RPS6KC1: variants seen among roughly 807,000 people sequenced by gnomAD.
RPS6KC1 encodes the protein inactive ribosomal protein S6 kinase delta-1.
Under a neutral mutation model 103.8 loss-of-function variants are expected in RPS6KC1, and 54 were observed. The observed-to-expected ratio is 0.52, with a 90% CI of 0.42 to 0.65. RPS6KC1 has a LOEUF of 0.65. Ranked by LOEUF, RPS6KC1 falls within the 30% of genes least tolerant of loss-of-function variation. The pLI, the probability that RPS6KC1 is intolerant of heterozygous loss-of-function variation, is 0.00. For missense variants in RPS6KC1, 1,151 were observed against 1,253.8 expected (o/e 0.92, Z 1.24); for synonymous variants, 439 against 438.7 (o/e 1.00, Z -0.01).
chr1:213,862,443 G>A, the RPS6KC1 span, among the ~76,000 whole-genome samples: 1 of 152,184 alleles, frequency 6.6e-6, no homozygotes, highest in Non-Finnish European at 1.5e-5. Context: ...GAGAGGGCCA[G>A]AAGCACCAGA....
At chr1:213,101,774 A>T (rs574473871) in intron 3 of RPS6KC1, among the ~76,000 whole-genome samples, 8 of 152,306 alleles carry the variant, frequency 5.3e-5, no homozygotes, top group Non-Finnish European at 1.2e-4. Context: ...ATTAATTTAT[A>T]GGCACTTGAA....
chr1:213,238,856 C>T (rs935615953), intron 10 of RPS6KC1, among the ~76,000 whole-genome samples: 2 of 152,074 alleles, frequency 1.3e-5, no homozygotes, highest in African/African-American at 4.8e-5. Context: ...ATCCTTTCCT[C>T]AAAGTAGTCA....
intron 8 of RPS6KC1, among the ~76,000 whole-genome samples, chr1:213,184,006 T>G (rs879866987): frequency 3.9e-5 from 6 of 152,096 alleles, no homozygotes; most frequent in African/African-American, 7.2e-5. Context: ...AATTTGATAA[T>G]TTAGATGGAA....
intron 10 of RPS6KC1, among the ~76,000 whole-genome samples, chr1:213,236,395 C>T (rs571259374): frequency 2.6e-5 from 4 of 152,212 alleles, no homozygotes; most frequent in African/African-American, 9.6e-5. Context: ...ATTTGCTAAG[C>T]TGTGGGAGAA....
chr1:213,512,385 G>C, the RPS6KC1 span, among the ~76,000 whole-genome samples: 2 of 152,160 alleles, frequency 1.3e-5, no homozygotes, highest in African/African-American at 4.8e-5. Context: ...TTAGGAAAAA[G>C]CATTCTTGCC....
At chr1:213,448,514 C>T in the RPS6KC1 span, among the ~76,000 whole-genome samples, 1 of 152,014 alleles carries the variant, frequency 6.6e-6, no homozygotes, top group Non-Finnish European at 1.5e-5. Context: ...GAAACAGAGC[C>T]TCAAGCCTGG....
the RPS6KC1 span, among the ~76,000 whole-genome samples, chr1:213,281,189 T>C: frequency 6.6e-6 from 1 of 152,248 alleles, no homozygotes; most frequent in Non-Finnish European, 1.5e-5. Flanking sequence ...ATCTTCAGAC[T>C]GCAGAGGCCC....
chr1:213,165,269 T>A (rs1057448836), intron 6 of RPS6KC1, among the ~76,000 whole-genome samples: 2 of 152,058 alleles, frequency 1.3e-5, no homozygotes, highest in African/African-American at 4.8e-5. Flanking sequence ...CTTGCTCTGT[T>A]GCCCGGGCTG....
the RPS6KC1 span, among the ~76,000 whole-genome samples, chr1:213,566,132 A>G: frequency 6.6e-6 from 1 of 152,178 alleles, no homozygotes; most frequent in Non-Finnish European, 1.5e-5. Context: ...ATACAATGAA[A>G]TGGAGTAAAA....
the RPS6KC1 span, among the ~76,000 whole-genome samples, chr1:213,367,284 T>G: frequency 6.6e-6 from 1 of 152,248 alleles, no homozygotes; most frequent in East Asian, 1.9e-4. Flanking sequence ...TGGGTTGATG[T>G]TGACTGAGAC....
chr1:213,209,695 C>CAAA (rs60840755), intron 8 of RPS6KC1, among the ~76,000 whole-genome samples: 1,882 of 54,066 alleles, frequency 0.035, 314 homozygotes, highest in Non-Finnish European at 0.048. Flanking sequence ...AACTCCGTCT[C>CAAA]AAAAAAAAAA....
intron 8 of RPS6KC1, among the ~76,000 whole-genome samples, chr1:213,230,214 A>G (rs993938644): frequency 1.3e-5 from 2 of 152,216 alleles, no homozygotes; most frequent in Non-Finnish European, 1.5e-5. Flanking sequence ...TGTTTAAAAT[A>G]GTATTTCCTT....
At chr1:213,397,280 C>T in the RPS6KC1 span, among the ~76,000 whole-genome samples, 1 of 152,044 alleles carries the variant, frequency 6.6e-6, no homozygotes, top group African/African-American at 2.4e-5. Context: ...CTCCTTTCTC[C>T]TGCTTTTCTT....
chr1:213,618,627 C>T, the RPS6KC1 span, among the ~76,000 whole-genome samples: 5 of 152,130 alleles, frequency 3.3e-5, no homozygotes, highest in Admixed American at 3.3e-4. Flanking sequence ...TGTGGCCTTT[C>T]CGCAACCTTC....
At chr1:213,499,657 G>A in the RPS6KC1 span, among the ~76,000 whole-genome samples, 1 of 151,850 alleles carries the variant, frequency 6.6e-6, no homozygotes, top group East Asian at 1.9e-4. Flanking sequence ...TTCCTAACAG[G>A]ACATTGACCA....
the RPS6KC1 span, among the ~76,000 whole-genome samples, chr1:213,338,734 G>A: frequency 6.6e-6 from 1 of 150,688 alleles, no homozygotes; most frequent in Non-Finnish European, 1.5e-5. Context: ...TGTGGTAGAA[G>A]TGATGTGCAA....
the RPS6KC1 span, among the ~76,000 whole-genome samples, chr1:213,804,340 C>A: frequency 6.6e-6 from 1 of 152,100 alleles, no homozygotes; most frequent in African/African-American, 2.4e-5. Flanking sequence ...TCACTTATTT[C>A]ATTCACTCAT....
the RPS6KC1 span, among the ~76,000 whole-genome samples, chr1:213,810,890 T>C: frequency 6.6e-6 from 1 of 152,208 alleles, no homozygotes; most frequent in Admixed American, 6.5e-5. Context: ...AGCTGGTAAG[T>C]GGCTGGTCTA....
At chr1:213,695,725 G>A in the RPS6KC1 span, among the ~76,000 whole-genome samples, 1 of 152,192 alleles carries the variant, frequency 6.6e-6, no homozygotes, top group African/African-American at 2.4e-5. Context: ...GGTTGTTGCT[G>A]TCAGGTTATT....
Sources: allele counts gnomAD v4.1 joint callset (sites outside exome capture counted in the v4.1 genomes callset), GRCh38; gene constraint gnomAD v4.1.1; transcripts MANE v1.5; gene names NCBI Gene and HGNC (gene_info 2026-07-23, HGNC 2026-07-21).